The following CACNA1B variants were observed in gnomAD, a reference collection of about 807,000 sequenced individuals.
CACNA1B encodes the protein voltage-dependent N-type calcium channel subunit alpha-1B.
In CACNA1B, 70 loss-of-function variants were observed where a neutral mutation model predicts 247.2. That is an observed-to-expected ratio of 0.28 (90% confidence interval 0.23 to 0.35). The LOEUF (loss-of-function observed/expected upper bound fraction) is 0.35, where lower values mean the gene tolerates loss of function less well. Among genes scored for constraint, CACNA1B ranks in the 10% least tolerant of loss-of-function variants. The pLI, the probability that CACNA1B is intolerant of heterozygous loss-of-function variation, is 1.00. For missense variants in CACNA1B, 2,367 were observed against 3,197.4 expected, an observed-to-expected ratio of 0.74 and a Z score of 6.26; for synonymous variants, 1,231 against 1,294.4, an observed-to-expected ratio of 0.95 and a Z score of 1.05.
chr9:137,952,460 G>A lies in CACNA1B; in HGVS notation c.1070+83G>A. 1 of 1,177,980 alleles carries A rather than the reference G, an allele frequency of 8.5e-7. No homozygotes were observed. The highest frequency in any genetic ancestry group is 1.3e-6 in the Non-Finnish European group (1 of 793,056). 73.0% of individuals were successfully genotyped at this position (1,177,980 alleles called of 1,614,324 possible). A position where few individuals can be genotyped will look rare whatever the true frequency, so the allele number is the denominator to read the frequency against. On this transcript the variant is annotated intron_variant, in intron 7 of 46. Transcript: ENST00000371372. The surrounding 1 kb of genome is among the most constrained non-coding windows in gnomAD (Gnocchi z 4.8). ...AACAGGGGCACGTGTGACACTTGGGGTGGGGGCCTGGCCCATGGGTGCCCT... is the reference window on the plus strand; with the variant it reads ...AACAGGGGCACGTGTGACACTTGGGATGGGGGCCTGGCCCATGGGTGCCCT...
At chr9:137,995,741 C>T (rs1958492008) in intron 15 of CACNA1B, among the ~76,000 whole-genome samples, 1 of 152,196 alleles carries the variant, frequency 6.6e-6, no homozygotes, top group African/African-American at 2.4e-5. Flanking sequence ...AAACAGACAT[C>T]CCACAAAGTG....
intron 6 of CACNA1B, among the ~76,000 whole-genome samples, chr9:137,927,946 A>G (rs900749695): frequency 1.6e-4 from 25 of 152,144 alleles, no homozygotes; most frequent in Non-Finnish European, 3.2e-4. Flanking sequence ...TGATTTTTGA[A>G]TATTGAACCA....
At chr9:138,045,559 A>T (rs1001701775) in intron 21 of CACNA1B, among the ~76,000 whole-genome samples, 2 of 152,202 alleles carry the variant, frequency 1.3e-5, no homozygotes, top group Admixed American at 6.5e-5. Context: ...CAGTGGCGGA[A>T]GGCACTGCGT....
At position 138,114,412 on chromosome 9, in the gene CACNA1B, T is replaced by C. The variant is rs200862026; in HGVS notation, c.5571T>C (p.Ala1857=). ...DEMTVGKVYA[A]LMIFDFYKQN... ...TGACAGTGGGGAAGGTTTATGCAGCTCTGATGATATTCGACTTCTACAAGC... is the reference window on the plus strand; with the variant it reads ...TGACAGTGGGGAAGGTTTATGCAGCCCTGATGATATTCGACTTCTACAAGC... Residue 1857 remains alanine (A), a synonymous_variant, in exon 41 of 47, where the codon GCT becomes GCC. Coordinates refer to ENST00000371372, the MANE Select transcript of CACNA1B (RefSeq NM_000718.4). 108 of 1,592,968 alleles carry C rather than the reference T, an allele frequency of 6.8e-5. No homozygotes were observed. Among genetic ancestry groups the C allele is most frequent in the Non-Finnish European group, 9.2e-5 (107 of 1,167,746 alleles).
intron 15 of CACNA1B, among the ~76,000 whole-genome samples, chr9:137,995,815 C>T (rs2133394832): frequency 6.6e-6 from 1 of 152,178 alleles, no homozygotes; most frequent in Middle Eastern, 3.4e-3. Context: ...GCAAAGAACT[C>T]AAATCAGCAA....
chr9:138,117,692 T>C (rs1414325555), intron 42 of CACNA1B, among the ~76,000 whole-genome samples: 1 of 152,224 alleles, frequency 6.6e-6, no homozygotes, highest in Admixed American at 6.5e-5. Context: ...TCTGCCACTC[T>C]GAATCCCTTC....
In CACNA1B at chr9:138,054,033, GAC is replaced by G. The variant is rs777941788; in HGVS notation, c.3968+33_3968+34del. ...TAAACTGAGGCAGGGTGCAAGGTGG[GAC>G]ACACAGCCCCATGATGCAGACAACA... is the stretch of plus-strand genomic sequence containing the variant. On this transcript the variant is annotated intron_variant, in intron 26 of 46. Coordinates refer to ENST00000371372, the MANE Select transcript of CACNA1B (RefSeq NM_000718.4). This position sits in a 1 kb window ranked among gnomAD's most constrained non-coding sequence, Gnocchi z 4.6. 203 of 1,608,968 alleles carry G rather than the reference GAC, an allele frequency of 1.3e-4. 1 individual carries two copies. The South Asian group carries it at 1.8e-3, about 14-fold the overall frequency.
At chr9:137,994,424 G>A (rs934773197) in intron 15 of CACNA1B, among the ~76,000 whole-genome samples, 3 of 152,192 alleles carry the variant, frequency 2.0e-5, no homozygotes, top group African/African-American at 4.8e-5. Flanking sequence ...TTTGTTTGCC[G>A]ATGATATGAT....
rs777530915 is a variant in CACNA1B, at chr9:138,120,216, C to T, written c.6082C>T (p.Arg2028Trp). The change falls in exon 45 of 47, where the codon CGG becomes TGG. Residue 2028 changes from arginine to tryptophan, a missense_variant. Arg to Trp is a moderately radical substitution (Grantham distance 101). This residue lies in a region of CACNA1B where 773 missense variants were observed against 779.4 expected (regional missense o/e 0.99). Transcript: ENST00000371372. ...MKRSISTLAQ[R>W]PRGTHLCSTT... ...GCGCTCCATCTCCACGCTGGCCCAG[C>T]GGCCCCGTGGGACTCATCTTTGCAG... 1.7e-5 allele frequency: 27 copies of T among 1,608,072 alleles called. No individual in the cohort carries two copies. Among genetic ancestry groups the T allele is most frequent in the East Asian group, 2.3e-5 (1 of 44,442 alleles).
intron 10 of CACNA1B, among the ~76,000 whole-genome samples, chr9:137,965,584 T>C (rs1958065498): frequency 6.6e-6 from 1 of 151,098 alleles, no homozygotes; most frequent in African/African-American, 2.4e-5. Flanking sequence ...TTTATTTATT[T>C]ATTTATTTAT....
Position 138,121,381 on chromosome 9 carries a change from G to C in CACNA1B, c.6490-88G>C. ...TCCCTCTCTCCTCCCATCCCCCCAGGCACCTGTGTGTGATGTGCTCTGTCT... is the reference window on the plus strand; with the variant it reads ...TCCCTCTCTCCTCCCATCCCCCCAGCCACCTGTGTGTGATGTGCTCTGTCT... On this transcript the variant is annotated intron_variant, in intron 46 of 46. Transcript: ENST00000371372. This position sits in a 1 kb window ranked among gnomAD's most constrained non-coding sequence, Gnocchi z 6.8. The C allele has an allele frequency of 9.7e-7, 1 of 1,033,656 alleles. No homozygotes were observed. Among genetic ancestry groups the C allele is most frequent in the Non-Finnish European group, 1.4e-6 (1 of 732,322 alleles). The allele number at this position is 1,033,656 out of a possible 1,614,324, so 64.0% of individuals were successfully genotyped here.
At chr9:137,999,763 C>A (rs1171147562) in intron 15 of CACNA1B, among the ~76,000 whole-genome samples, 2 of 152,174 alleles carry the variant, frequency 1.3e-5, no homozygotes, top group Non-Finnish European at 2.9e-5. Flanking sequence ...CCCACCTCAG[C>A]CTCCCAAAGT....
At chr9:138,022,883 G>T in intron 18 of CACNA1B, 128 bp from the exon 19 acceptor site, 1 of 1,260,848 alleles carries the variant, frequency 7.9e-7, no homozygotes, top group Non-Finnish European at 1.0e-6. Context: ...AGGGGTGTGG[G>T]GGCTCCCGCG....
chr9:137,983,273 T>C (rs1486027061), intron 12 of CACNA1B, among the ~76,000 whole-genome samples: 1 of 152,188 alleles, frequency 6.6e-6, no homozygotes, highest in Admixed American at 6.5e-5. Flanking sequence ...GAAGAAGACA[T>C]GGGCGCTCCT....
At chr9:137,979,704 G>T (rs573462439) in intron 12 of CACNA1B, among the ~76,000 whole-genome samples, 3 of 152,274 alleles carry the variant, frequency 2.0e-5, no homozygotes, top group South Asian at 4.1e-4. Context: ...ATCCATTACA[G>T]TATCAGCTCA....
intron 18 of CACNA1B, among the ~76,000 whole-genome samples, chr9:138,021,793 G>A (rs1464687867): frequency 6.6e-6 from 1 of 152,256 alleles, no homozygotes; most frequent in Non-Finnish European, 1.5e-5. Context: ...AGGACTGGAT[G>A]AAGTGGGCAC....
chr9:138,017,209 G>A (rs368279667), intron 18 of CACNA1B: 260 of 518,858 alleles, frequency 5.0e-4, no homozygotes, highest in Non-Finnish European at 8.0e-4. Flanking sequence ...ACCGTGAGTC[G>A]CTCTGCTACG....
At chr9:138,107,804 G>A (rs1306931284) in intron 39 of CACNA1B, among the ~76,000 whole-genome samples, 1 of 152,094 alleles carries the variant, frequency 6.6e-6, no homozygotes, top group East Asian at 1.9e-4. Flanking sequence ...GGACAACACA[G>A]TGAAACCCCG....
chr9:137,952,682 TGGGGGG>T lies in CACNA1B; in HGVS notation c.1070+306_1070+311del, dbSNP rs1957892045. ...TGTGGTCTGTAATGGGAGGTTGGTC[TGGGGGG>T]ATGGGAGGTGTGGTCTGTAATGGGA... is the stretch of plus-strand genomic sequence containing the variant. On this transcript the variant is annotated intron_variant, in intron 7 of 46. Coordinates refer to ENST00000371372, the MANE Select transcript of CACNA1B (RefSeq NM_000718.4). The surrounding 1 kb of genome is among the most constrained non-coding windows in gnomAD (Gnocchi z 4.8). Among the ~76,000 whole-genome samples, 1 of 124,512 alleles carries T rather than the reference TGGGGGG, an allele frequency of 8.0e-6. No homozygotes were observed. The highest frequency in any genetic ancestry group is 2.5e-4 in the South Asian group (1 of 3,994). 81.7% of individuals were successfully genotyped at this position (124,512 alleles called of 152,430 possible). A position where few individuals can be genotyped will look rare whatever the true frequency, so the allele number is the denominator to read the frequency against.
Sources: gnomAD v4.1 joint callset for allele counts (sites outside exome capture counted in the v4.1 genomes callset) on GRCh38, gnomAD v4.1.1 for gene constraint, gnomAD v4.1.1 regional missense constraint, Gnocchi (gnomAD v3.1) non-coding constraint, MANE v1.5 for transcripts, NCBI Gene and HGNC (gene_info 2026-07-23, HGNC 2026-07-21) for gene names.